Variants in SCAP observed in about 807,000 individuals in gnomAD.
SCAP encodes SREBF chaperone, also known as sterol regulatory element-binding protein cleavage-activating protein.
In SCAP, 65 loss-of-function variants were observed where a neutral mutation model predicts 123.6. The ratio of observed to expected loss-of-function variants is 0.53; its 90% CI spans 0.43 to 0.65. SCAP has a LOEUF of 0.65. SCAP is among the 30% of genes least tolerant of loss of function. SCAP has a pLI of 0.00. For missense variants in SCAP, 1,398 were observed against 1,712.5 expected (o/e 0.82, Z 3.24); for synonymous variants, 740 against 726.3 (o/e 1.02, Z -0.30).
At chr3:47,444,909 T>C (rs1319432492) in intron 1 of SCAP, among the ~76,000 whole-genome samples, 13 of 151,848 alleles carry the variant, frequency 8.6e-5, no homozygotes, top group Non-Finnish European at 1.9e-4. Flanking sequence ...GTAGCTGGGA[T>C]TACAGGTGCC....
At chr3:47,434,828 A>T in intron 3 of SCAP, 180 bp downstream of exon 3, 1 of 679,588 alleles carries the variant, frequency 1.5e-6, no homozygotes, top group Non-Finnish European at 2.3e-6. Flanking sequence ...CAGGAGCAAA[A>T]CTCCATCTCA....
intron 6 of SCAP, among the ~76,000 whole-genome samples, chr3:47,426,711 C>T (rs552186887): frequency 1.3e-5 from 2 of 152,350 alleles, no homozygotes; most frequent in African/African-American, 2.4e-5. Flanking sequence ...TCTGGGATTA[C>T]AGGCGTGAGC....
chr3:47,460,411 A>C (rs1707587044), intron 1 of SCAP, among the ~76,000 whole-genome samples: 1 of 152,250 alleles, frequency 6.6e-6, no homozygotes, highest in Admixed American at 6.5e-5. Flanking sequence ...AAATTATAAA[A>C]GTATTAATTT....
chr3:47,438,855 G>A (rs972971281), intron 2 of SCAP, among the ~76,000 whole-genome samples: 13 of 151,752 alleles, frequency 8.6e-5, no homozygotes, highest in African/African-American at 2.2e-4. Context: ...TGGCTACAGC[G>A]TTTGCATAGT....
At chr3:47,426,980 T>C (rs1706161189) in intron 6 of SCAP, among the ~76,000 whole-genome samples, 177 bp downstream of exon 6, 1 of 152,000 alleles carries the variant, frequency 6.6e-6, no homozygotes, top group African/African-American at 2.4e-5. Flanking sequence ...GTCATCCCCA[T>C]TAAAATGTGG....
chr3:47,426,389 T>C (rs1207445470), intron 6 of SCAP, among the ~76,000 whole-genome samples: 1 of 152,194 alleles, frequency 6.6e-6, no homozygotes, highest in Non-Finnish European at 1.5e-5. Flanking sequence ...CCTTTCTTTG[T>C]CTCCCTTTCC....
At chr3:47,432,209 C>T (rs924053904) in intron 3 of SCAP, among the ~76,000 whole-genome samples, 4 of 149,916 alleles carry the variant, frequency 2.7e-5, no homozygotes, top group South Asian at 2.1e-4. Flanking sequence ...CCCAGCTACT[C>T]GGGAGGCTGA....
At chr3:47,436,470 C>A (rs1439301724) in intron 2 of SCAP, among the ~76,000 whole-genome samples, 1 of 151,526 alleles carries the variant, frequency 6.6e-6, no homozygotes, top group African/African-American at 2.4e-5. Flanking sequence ...CCATCTCTAC[C>A]AAAAATACAA....
intron 8 of SCAP, 167 bp downstream of exon 8, chr3:47,425,318 A>G: frequency 4.1e-6 from 3 of 733,996 alleles, no homozygotes; most frequent in Non-Finnish European, 6.4e-6. Context: ...AAGTATGAAT[A>G]CAAGCCAGAC....
intron 2 of SCAP, among the ~76,000 whole-genome samples, chr3:47,440,263 A>T (rs960760911): frequency 2.0e-5 from 3 of 152,214 alleles, no homozygotes; most frequent in African/African-American, 7.2e-5. Context: ...TATTTTCTGC[A>T]GGCAATCCCA....
chr3:47,444,627 C>T (rs545891614), intron 1 of SCAP, among the ~76,000 whole-genome samples: 160 of 152,174 alleles, frequency 1.1e-3, no homozygotes, highest in Admixed American at 2.0e-3. Flanking sequence ...GTGTGCACCA[C>T]CATGCCCTGC....
chr3:47,427,379 C>T, intron 5 of SCAP, 68 bp downstream of exon 5: 1 of 1,571,180 alleles, frequency 6.4e-7, no homozygotes, highest in Non-Finnish European at 8.8e-7. Context: ...TCTGCCTAAG[C>T]ACACATCAAA....
At chr3:47,425,141 T>C (rs1301295657) in intron 8 of SCAP, 2 of 223,828 alleles carry the variant, frequency 8.9e-6, no homozygotes, top group African/African-American at 2.3e-5. Flanking sequence ...TGTGTGTATA[T>C]AGAATACATA....
rs1316314810 is a variant in SCAP at position 47,420,130 on chromosome 3, T to C, written c.1563+424A>G. 6.6e-6 allele frequency among the ~76,000 whole-genome samples: 1 copy of C among 152,164 alleles called. No individual in the cohort carries two copies. The highest frequency in any genetic ancestry group is 1.5e-5 in the Non-Finnish European group (1 of 68,008). On this transcript the variant is annotated intron_variant, in intron 12 of 22. Transcript: ENST00000265565. The surrounding 1 kb of genome is among the most constrained non-coding windows in gnomAD (Gnocchi z 5.0). ...TTCCTCCCATCTCAGTTCAGCTCCC[T>C]GGAAGAGGCACTGCTGCCCCAAGGC... is the stretch of plus-strand genomic sequence containing the variant.
chr3:47,466,560 C>T (rs1707837596), intron 1 of SCAP, among the ~76,000 whole-genome samples: 1 of 152,132 alleles, frequency 6.6e-6, no homozygotes, highest in Non-Finnish European at 1.5e-5. Flanking sequence ...AGGACAGTCT[C>T]TTCAACAAAT....
At chr3:47,447,688 CAA>C (rs992729371) in intron 1 of SCAP, among the ~76,000 whole-genome samples, 3 of 105,544 alleles carry the variant, frequency 2.8e-5, no homozygotes, top group South Asian at 3.2e-4. Context: ...GACTCTGACT[CAA>C]AAAAAAAAAG....
At position 47,413,831 on chromosome 3, in the gene SCAP, G is replaced by A. The variant is rs759024401; in HGVS notation, c.*23C>T. 6.2e-7 allele frequency: 1 copy of A among 1,604,836 alleles called. No homozygotes were observed. Among genetic ancestry groups the A allele is most frequent in the East Asian group, 2.2e-5 (1 of 44,714 alleles). Reference sequence around the variant, plus strand: ...CCCCCACACAGCACCCCAGCCTCCTGCCTGGGCAAGGAGGCCCTGCGCTCA... The same window carrying A: ...CCCCCACACAGCACCCCAGCCTCCTACCTGGGCAAGGAGGCCCTGCGCTCA... On this transcript the variant is annotated 3_prime_UTR_variant, in exon 23 of 23. Coordinates refer to ENST00000265565, the MANE Select transcript of SCAP (RefSeq NM_012235.4).
rs1484703711 is a variant in SCAP at position 47,417,773 on chromosome 3, C to A, written c.2501G>T (p.Trp834Leu). The change falls in exon 17 of 23, where the codon TGG becomes TTG. Residue 834 changes from tryptophan to leucine, a missense_variant. Physicochemically the swap from Trp to Leu is moderately conservative, Grantham distance 61. Around this residue, in one of 7 missense-constraint regions of SCAP, gnomAD observed 828 missense variants for 882.5 expected, o/e 0.94. Coordinates refer to ENST00000265565, the MANE Select transcript of SCAP (RefSeq NM_012235.4). ...CTTCCCACCATCTGAAAGTCGTTCC[C>A]AGCTCTCCTGAGCCTCAAGCCCGCT... Reference protein sequence around the residue: ...VGSGLEAQESWERLSDGGKAG... With the variant: ...VGSGLEAQESLERLSDGGKAG... The A allele has an allele frequency of 6.2e-7, 1 of 1,601,232 alleles. No homozygotes were observed.
chr3:47,420,746 G>A lies in SCAP; in HGVS notation c.1371C>T (p.Pro457=). 2 of 1,610,800 alleles carry A rather than the reference G, an allele frequency of 1.2e-6. No homozygotes were observed. Among genetic ancestry groups the A allele is most frequent in the Admixed American group, 1.7e-5 (1 of 59,992 alleles). Residue 457 remains proline (P), a synonymous_variant, in exon 12 of 23, where the codon CCC becomes CCT. Transcript: ENST00000265565. The surrounding 1 kb of genome is among the most constrained non-coding windows in gnomAD (Gnocchi z 5.0). ...MELADLNKRL[P]PEACLPSAKP... is the part of the protein sequence containing the mutation. ...TGGCTGAGGGCAGGCAGGCCTCAGGGGGCAGTCGCTTGTTCAGGTCTGCTA... is the reference window on the plus strand; with the variant it reads ...TGGCTGAGGGCAGGCAGGCCTCAGGAGGCAGTCGCTTGTTCAGGTCTGCTA...
Sources: gnomAD v4.1 joint callset for allele counts (sites outside exome capture counted in the v4.1 genomes callset) on GRCh38, gnomAD v4.1.1 for gene constraint, gnomAD v4.1.1 regional missense constraint, Gnocchi (gnomAD v3.1) non-coding constraint, MANE v1.5 for transcripts, NCBI Gene and HGNC (gene_info 2026-07-23, HGNC 2026-07-21) for gene names.